PFKFB3: variants seen among roughly 807,000 people sequenced by gnomAD.
The protein encoded by PFKFB3 is 6-phosphofructo-2-kinase/fructose-2,6-biphosphatase 3.
PFKFB3 carries 33 observed loss-of-function variants against 68.0 expected under a neutral mutation model. The observed-to-expected ratio is 0.49, with a 90% CI of 0.37 to 0.65. PFKFB3 has a LOEUF of 0.65. Ranked by LOEUF, PFKFB3 falls within the 30% of genes least tolerant of loss-of-function variation. The pLI is 0.00. For missense variants in PFKFB3, 586 were observed against 712.2 expected (o/e 0.82, Z 2.02); for synonymous variants, 315 against 288.2 (o/e 1.09, Z -0.94).
chr10:6,242,609 A>G (rs1846165067), intron 14 of PFKFB3, among the ~76,000 whole-genome samples: 1 of 147,354 alleles, frequency 6.8e-6, no homozygotes, highest in Non-Finnish European at 1.5e-5. Context: ...TTTTTTTGAG[A>G]CGGAGTCTCG....
At chr10:6,298,170 C>T in the PFKFB3 span, among the ~76,000 whole-genome samples, 1 of 152,168 alleles carries the variant, frequency 6.6e-6, no homozygotes, top group Non-Finnish European at 1.5e-5. Context: ...GACACTGTGA[C>T]CTGGCCTAGG....
At chr10:6,313,622 C>T in the PFKFB3 span, among the ~76,000 whole-genome samples, 5 of 152,162 alleles carry the variant, frequency 3.3e-5, no homozygotes, top group Admixed American at 6.6e-5. The surrounding 1 kb of genome is among the most constrained non-coding windows in gnomAD (Gnocchi z 4.2). Flanking sequence ...TTAGTTTATC[C>T]TTGCATTGGC....
intron 14 of PFKFB3, among the ~76,000 whole-genome samples, chr10:6,253,522 A>G (rs1183018885): frequency 6.6e-6 from 1 of 152,102 alleles, no homozygotes; most frequent in Non-Finnish European, 1.5e-5. Context: ...AAGGAGCTGG[A>G]TTTGTCCCAG....
intron 14 of PFKFB3, among the ~76,000 whole-genome samples, chr10:6,241,658 C>T (rs1846142388): frequency 6.6e-6 from 1 of 152,030 alleles, no homozygotes; most frequent in Non-Finnish European, 1.5e-5. Context: ...ATAGTGAGAC[C>T]CCATCTCAAC....
chr10:6,202,080 T>A (rs536532041), upstream of PFKFB3, among the ~76,000 whole-genome samples: 1 of 152,204 alleles, frequency 6.6e-6, no homozygotes, highest in South Asian at 2.1e-4. Flanking sequence ...TCGAAATGGG[T>A]CTAGTTTTAT....
At chr10:6,208,522 C>G (rs1470279142) in intron 1 of PFKFB3, among the ~76,000 whole-genome samples, 2 of 152,008 alleles carry the variant, frequency 1.3e-5, no homozygotes, top group Non-Finnish European at 2.9e-5. Flanking sequence ...ACTTTCATCT[C>G]AGTAGCGAGT....
At chr10:6,305,286 A>C in the PFKFB3 span, among the ~76,000 whole-genome samples, 1 of 145,374 alleles carries the variant, frequency 6.9e-6, no homozygotes. Context: ...GGCCTTGCAA[A>C]GTGTTGGGAT....
At chr10:6,318,474 G>T in the PFKFB3 span, among the ~76,000 whole-genome samples, 3 of 152,196 alleles carry the variant, frequency 2.0e-5, no homozygotes, top group African/African-American at 7.2e-5. Flanking sequence ...TCTTCCCCAG[G>T]GGGTAGAGGG....
chr10:6,205,875 G>A (rs774212188), intron 1 of PFKFB3, among the ~76,000 whole-genome samples: 2 of 151,838 alleles, frequency 1.3e-5, no homozygotes, highest in Non-Finnish European at 1.5e-5. Flanking sequence ...ATAGCTCACT[G>A]TAACCACCAA....
the PFKFB3 span, among the ~76,000 whole-genome samples, chr10:6,288,492 T>TGG: frequency 1.3e-5 from 2 of 151,918 alleles, no homozygotes; most frequent in African/African-American, 4.8e-5. Context: ...CTGAGAATGA[T>TGG]GATTTCCAAT....
intron 6 of PFKFB3, among the ~76,000 whole-genome samples, chr10:6,217,962 T>A (rs1215802735): frequency 5.9e-5 from 9 of 152,234 alleles, no homozygotes; most frequent in Non-Finnish European, 1.2e-4. Flanking sequence ...GAGGGGATGC[T>A]AAGCATGTGT....
chr10:6,293,042 G>T, the PFKFB3 span: 1 of 372,690 alleles, frequency 2.7e-6, no homozygotes, highest in Non-Finnish European at 5.3e-6. Context: ...GAATACAGAA[G>T]TTGCCAAAGA....
At chr10:6,159,121 G>A (rs919920422) in intron 1 of PFKFB3, among the ~76,000 whole-genome samples, 7 of 152,134 alleles carry the variant, frequency 4.6e-5, no homozygotes, top group Admixed American at 2.0e-4. Flanking sequence ...CAGGCCAGGC[G>A]CTGTGGCTCT....
At chr10:6,200,670 G>C (rs1245685234), upstream of PFKFB3, among the ~76,000 whole-genome samples, 2 of 135,546 alleles carry the variant, frequency 1.5e-5, no homozygotes, top group South Asian at 2.6e-4. Context: ...GGGGGGGGGG[G>C]GGGGGCGGGG....
intron 14 of PFKFB3, among the ~76,000 whole-genome samples, chr10:6,244,605 C>A (rs576825812): frequency 4.9e-4 from 74 of 152,116 alleles, no homozygotes; most frequent in African/African-American, 1.7e-3. Flanking sequence ...TTCTCTTACA[C>A]GGTAATAAAT....
chr10:6,217,039 G>A (rs891046667), intron 5 of PFKFB3, 96 bp from the exon 6 acceptor site: 6 of 1,256,442 alleles, frequency 4.8e-6, no homozygotes, highest in Admixed American at 1.7e-5. Context: ...GGTGGGTGGC[G>A]TGCTTCCGCC....
At chr10:6,196,291 C>T (rs561044625) in intron 1 of PFKFB3, among the ~76,000 whole-genome samples, 6 of 152,172 alleles carry the variant, frequency 3.9e-5, no homozygotes, top group South Asian at 4.2e-4. Flanking sequence ...CTACCACACC[C>T]GGCTAATTTT....
intron 1 of PFKFB3, among the ~76,000 whole-genome samples, chr10:6,212,106 C>T (rs567889262): frequency 1.3e-5 from 2 of 152,354 alleles, no homozygotes; most frequent in African/African-American, 4.8e-5. Context: ...CAGAGGTTTT[C>T]CTGCAGGCCA....
chr10:6,318,938 G>A, the PFKFB3 span, among the ~76,000 whole-genome samples: 20 of 152,120 alleles, frequency 1.3e-4, no homozygotes, highest in South Asian at 2.1e-4. Flanking sequence ...GGTCTGGTCC[G>A]AAGCCTGGCT....
Sources: gnomAD v4.1 joint callset for allele counts (sites outside exome capture counted in the v4.1 genomes callset) on GRCh38, gnomAD v4.1.1 for gene constraint, Gnocchi (gnomAD v3.1) non-coding constraint, MANE v1.5 for transcripts, NCBI Gene and HGNC (gene_info 2026-07-23, HGNC 2026-07-21) for gene names.